MRAP2: variants seen among roughly 807,000 people sequenced by gnomAD.
MRAP2 encodes melanocortin-2 receptor accessory protein 2.
In MRAP2, 20 loss-of-function variants were observed where a neutral mutation model predicts 17.4. The observed-to-expected ratio is 1.15, with a 90% confidence interval of 0.81 to 1.67. MRAP2 has a LOEUF of 1.67. Ranked by LOEUF, MRAP2 falls within the 40% of genes most tolerant of loss-of-function variation. MRAP2 has a pLI of 0.00. For missense variants in MRAP2, 238 were observed against 240.0 expected, an observed-to-expected ratio of 0.99 and a Z score of 0.05; for synonymous variants, 96 against 88.4, an observed-to-expected ratio of 1.09 and a Z score of -0.48.
chr6:84,070,901 T>C (rs1370821033), intron 3 of MRAP2, among the ~76,000 whole-genome samples: 1 of 152,228 alleles, frequency 6.6e-6, no homozygotes, highest in Non-Finnish European at 1.5e-5. Context: ...TGTTTTGGTG[T>C]CCATTTGCAT....
chr6:84,094,184 A>G (rs2099502270), downstream of MRAP2, among the ~76,000 whole-genome samples: 2 of 151,984 alleles, frequency 1.3e-5, no homozygotes. Context: ...CACACTCCTA[A>G]TTTTTTCAGA....
intron 3 of MRAP2, among the ~76,000 whole-genome samples, chr6:84,064,591 C>T (rs561988249): frequency 2.7e-5 from 4 of 148,268 alleles, no homozygotes; most frequent in African/African-American, 7.3e-5. Flanking sequence ...GGGTTCACGC[C>T]ATTCTCCTGC....
chr6:84,146,281 A>C, the MRAP2 span, among the ~76,000 whole-genome samples: 1 of 152,022 alleles, frequency 6.6e-6, no homozygotes, highest in African/African-American at 2.4e-5. Context: ...TTCTCTTATT[A>C]ATCTGTCTTT....
Position 84,081,226 on chromosome 6 carries a change from G to A in MRAP2, c.228-7865G>A, listed in dbSNP as rs570004566. On this transcript the variant is annotated intron_variant, in intron 3 of 3. Coordinates refer to ENST00000257776, the MANE Select transcript of MRAP2 (RefSeq NM_138409.4). ...CAAATGAAAAAGGTAGGCATTAAGA[G>A]GGGTCAAAGTCTCATTATGATATGG... Among the ~76,000 whole-genome samples the A allele has an allele frequency of 2.0e-5, 3 of 152,324 alleles. No individual in the cohort carries two copies. The South Asian group carries it at 6.2e-4, about 32-fold the overall frequency.
the MRAP2 span, among the ~76,000 whole-genome samples, chr6:84,122,352 CAAAAAA>C: frequency 0.013 from 484 of 36,184 alleles, 4 homozygotes; most frequent in African/African-American, 0.053. Context: ...ACAGCACATC[CAAAAAA>C]AAAAAAAAAA....
the MRAP2 span, among the ~76,000 whole-genome samples, chr6:84,114,295 TAATC>T: frequency 6.6e-6 from 1 of 152,160 alleles, no homozygotes; most frequent in African/African-American, 2.4e-5. Context: ...CTTTTTTCTC[TAATC>T]TTGTTTTCAA....
intron 3 of MRAP2, among the ~76,000 whole-genome samples, chr6:84,081,308 C>T (rs1202426386): frequency 6.6e-6 from 1 of 152,218 alleles, no homozygotes; most frequent in Non-Finnish European, 1.5e-5. Context: ...GTCAACTTCT[C>T]ATCCTGGTTT....
At chr6:84,127,867 GAGA>G in the MRAP2 span, among the ~76,000 whole-genome samples, 4 of 152,182 alleles carry the variant, frequency 2.6e-5, no homozygotes, top group East Asian at 1.9e-4. Flanking sequence ...CTGACTGGAA[GAGA>G]AGAAGGGCCA....
downstream of MRAP2, among the ~76,000 whole-genome samples, chr6:84,092,891 TGGAA>T (rs2099502009): frequency 5.9e-5 from 9 of 151,926 alleles, no homozygotes; most frequent in South Asian, 1.9e-3. Flanking sequence ...AAGGAGAAAA[TGGAA>T]GGAAAAAATG....
At chr6:84,129,349 ATC>A in the MRAP2 span, among the ~76,000 whole-genome samples, 1 of 152,000 alleles carries the variant, frequency 6.6e-6, no homozygotes, top group African/African-American at 2.4e-5. Context: ...CCTCTCCAGC[ATC>A]TGTTTCCTGA....
At chr6:84,123,501 T>A in the MRAP2 span, among the ~76,000 whole-genome samples, 1 of 152,104 alleles carries the variant, frequency 6.6e-6, no homozygotes, top group Non-Finnish European at 1.5e-5. Flanking sequence ...CAATAAATGG[T>A]GCTGGGAAAA....
chr6:84,046,205 A>G (rs963799612), intron 1 of MRAP2, among the ~76,000 whole-genome samples: 7 of 152,172 alleles, frequency 4.6e-5, no homozygotes, highest in Non-Finnish European at 1.0e-4. Context: ...ATTGTTAATA[A>G]TAGTTGTTTT....
At chr6:84,124,819 C>A in the MRAP2 span, 1 of 461,624 alleles carries the variant, frequency 2.2e-6, no homozygotes, top group South Asian at 3.1e-5. Flanking sequence ...ACAAGTGAGC[C>A]CTTCTCTGCT....
downstream of MRAP2, among the ~76,000 whole-genome samples, chr6:84,094,163 G>C (rs1381462153): frequency 6.6e-6 from 1 of 152,100 alleles, no homozygotes; most frequent in African/African-American, 2.4e-5. Flanking sequence ...TGGATAAAAT[G>C]ATCCATGAGT....
chr6:84,037,636 C>T lies in MRAP2; in HGVS notation c.-8+3753C>T, dbSNP rs145291840. ...TCCTGAGCTCTGCCCCACAGGGAGG[C>T]GGCTGAGGCCCGGTGAGAATTTGAG... On this transcript the variant is annotated intron_variant, in intron 1 of 3. Transcript: ENST00000257776. Among the ~76,000 whole-genome samples the T allele has an allele frequency of 2.0e-4, 31 of 152,310 alleles. No homozygotes were observed. In the East Asian group the frequency reaches 4.8e-3, roughly 24 times the overall value.
At chr6:84,045,377 C>T in intron 1 of MRAP2, 1 of 985,302 alleles carries the variant, frequency 1.0e-6, no homozygotes. Flanking sequence ...GCAAGCCTGC[C>T]CCCAAGACCT....
chr6:84,128,661 A>C, the MRAP2 span, among the ~76,000 whole-genome samples: 1 of 152,162 alleles, frequency 6.6e-6, no homozygotes, highest in Non-Finnish European at 1.5e-5. Flanking sequence ...TAAGGTATAT[A>C]AAACACTTTG....
At chr6:84,104,549 C>A in the MRAP2 span, among the ~76,000 whole-genome samples, 1 of 152,186 alleles carries the variant, frequency 6.6e-6, no homozygotes, top group Non-Finnish European at 1.5e-5. Flanking sequence ...ACCCAAGTCA[C>A]CTCTTGAATG....
the MRAP2 span, among the ~76,000 whole-genome samples, chr6:84,112,025 T>C: frequency 6.6e-6 from 1 of 152,190 alleles, no homozygotes; most frequent in Non-Finnish European, 1.5e-5. Context: ...TTTGAGGATT[T>C]TCGCATCAAT....
Sources: gnomAD v4.1 joint callset for allele counts (sites outside exome capture counted in the v4.1 genomes callset) on GRCh38, gnomAD v4.1.1 for gene constraint, MANE v1.5 for transcripts, NCBI Gene and HGNC (gene_info 2026-07-23, HGNC 2026-07-21) for gene names.